PTPRO: variants seen among roughly 807,000 people sequenced by gnomAD.
The protein encoded by PTPRO is receptor-type tyrosine-protein phosphatase O.
Under a neutral mutation model 145.2 loss-of-function variants are expected in PTPRO, and 62 were observed. The ratio of observed to expected loss-of-function variants is 0.43; its 90% CI spans 0.35 to 0.53. The LOEUF (loss-of-function observed/expected upper bound fraction) is 0.53, where lower values mean the gene tolerates loss of function less well. PTPRO is among the 20% of genes least tolerant of loss of function. The pLI, the probability that PTPRO is intolerant of heterozygous loss-of-function variation, is 0.01. For synonymous variants in PTPRO, 565 were observed against 514.7 expected (o/e 1.10, Z -1.32); for missense variants, 1,345 against 1,482.7 (o/e 0.91, Z 1.53).
At chr12:15,553,326 A>G (rs1943522298) in intron 15 of PTPRO, among the ~76,000 whole-genome samples, 3 of 152,212 alleles carry the variant, frequency 2.0e-5, no homozygotes, top group Admixed American at 1.3e-4. Flanking sequence ...GAAAGGAAAC[A>G]AGGTCAGGTA....
chr12:15,467,571 A>G (rs540816021), intron 1 of PTPRO, among the ~76,000 whole-genome samples: 1 of 152,126 alleles, frequency 6.6e-6, no homozygotes, highest in South Asian at 2.1e-4. Flanking sequence ...CTCCTAACTA[A>G]TGCAGTCATA....
chr12:15,437,597 AC>A (rs1164124372), intron 1 of PTPRO, among the ~76,000 whole-genome samples: 20 of 151,678 alleles, frequency 1.3e-4, no homozygotes, highest in Admixed American at 1.3e-3. Context: ...CATTTAGAAT[AC>A]CTGCTTGCCT....
intron 1 of PTPRO, among the ~76,000 whole-genome samples, chr12:15,396,894 A>G (rs1332272116): frequency 6.6e-6 from 1 of 152,172 alleles, no homozygotes; most frequent in Non-Finnish European, 1.5e-5. Context: ...CACATATATC[A>G]AAGTATTTTT....
intron 23 of PTPRO, among the ~76,000 whole-genome samples, chr12:15,585,286 T>C (rs1944407604): frequency 6.6e-6 from 1 of 152,240 alleles, no homozygotes; most frequent in African/African-American, 2.4e-5. Flanking sequence ...CTGAGTATTC[T>C]TAAATCCTCA....
chr12:15,524,430 G>A lies in PTPRO; in HGVS notation c.1892-384G>A, dbSNP rs535458079. On this transcript the variant is annotated intron_variant, in intron 10 of 26. Transcript: ENST00000281171. ...AGAGACTTAGTTTGCAGGACTCTAA[G>A]TTTTTTAATCCTACTTGGCTAATAA... is the stretch of plus-strand genomic sequence containing the variant. Among the ~76,000 whole-genome samples, 56 of 152,244 alleles carry A rather than the reference G, an allele frequency of 3.7e-4. 1 individual carries two copies. The highest frequency in any genetic ancestry group is 3.4e-3 in the Middle Eastern group (1 of 294).
chr12:15,408,889 A>G (rs566304578), intron 1 of PTPRO, among the ~76,000 whole-genome samples: 2 of 152,274 alleles, frequency 1.3e-5, no homozygotes, highest in Admixed American at 1.3e-4. Flanking sequence ...CATTTGTCCA[A>G]TCTCTCCAAC....
At chr12:15,329,424 A>T (rs748186630) in intron 1 of PTPRO, among the ~76,000 whole-genome samples, 2 of 152,212 alleles carry the variant, frequency 1.3e-5, no homozygotes, top group Non-Finnish European at 2.9e-5. Context: ...TTGTATTTTG[A>T]TAAACTCTAG....
chr12:15,328,292 A>C (rs891167127), intron 1 of PTPRO, among the ~76,000 whole-genome samples: 2 of 152,132 alleles, frequency 1.3e-5, no homozygotes, highest in Non-Finnish European at 2.9e-5. Context: ...TTCTATGAGT[A>C]AGATCATATC....
chr12:15,501,557 G>T, intron 4 of PTPRO, 63 bp from the exon 5 acceptor site: 1 of 1,438,204 alleles, frequency 7.0e-7, no homozygotes, highest in Non-Finnish European at 9.7e-7. Flanking sequence ...CTCATTAAGA[G>T]ATTAAGTATT....
intron 1 of PTPRO, among the ~76,000 whole-genome samples, chr12:15,450,786 T>A (rs1591822630): frequency 6.6e-6 from 1 of 151,998 alleles, no homozygotes; most frequent in Non-Finnish European, 1.5e-5. Flanking sequence ...AAAAATTTTT[T>A]TTTAAATAAA....
intron 12 of PTPRO, among the ~76,000 whole-genome samples, chr12:15,532,480 C>T (rs541867049): frequency 4.6e-5 from 7 of 152,210 alleles, no homozygotes; most frequent in South Asian, 2.1e-4. Context: ...AATTCCAGGA[C>T]GGCTAGCATT....
intron 19 of PTPRO, among the ~76,000 whole-genome samples, chr12:15,570,475 TG>T (rs1036803045): frequency 4.6e-5 from 7 of 152,158 alleles, no homozygotes; most frequent in African/African-American, 1.7e-4. Context: ...GAGACACTAA[TG>T]GGGAATTTGA....
In PTPRO at chr12:15,557,363, T is replaced by A. The variant is rs75622354; in HGVS notation, c.2559-92T>A. 1.4e-4 allele frequency: 160 copies of A among 1,150,124 alleles called. 1 individual carries two copies. The African/African-American group carries it at 2.4e-3, about 17-fold the overall frequency. 71.2% of individuals were successfully genotyped at this position (1,150,124 alleles called of 1,614,324 possible). On this transcript the variant is annotated intron_variant, in intron 15 of 26. Transcript: ENST00000281171. ...TCTTTTTTTTAATTTAATGCTGTGATGATAAGCTGGTAAAGACTCTCTTTA... is the reference window on the plus strand; with the variant it reads ...TCTTTTTTTTAATTTAATGCTGTGAAGATAAGCTGGTAAAGACTCTCTTTA...
At chr12:15,537,070 C>T (rs1342243889) in intron 12 of PTPRO, among the ~76,000 whole-genome samples, 2 of 152,070 alleles carry the variant, frequency 1.3e-5, no homozygotes, top group African/African-American at 2.4e-5. Context: ...ATTGGAAAGA[C>T]AGAGGTTTGA....
intron 1 of PTPRO, among the ~76,000 whole-genome samples, chr12:15,376,133 A>T (rs569988411): frequency 1.3e-5 from 2 of 152,260 alleles, no homozygotes; most frequent in African/African-American, 4.8e-5. Flanking sequence ...GATGAAACAC[A>T]TAAGATAAAG....
At chr12:15,557,427 CCT>C in intron 15 of PTPRO, 26 bp from the exon 16 acceptor site, 1 of 1,598,016 alleles carries the variant, frequency 6.3e-7, no homozygotes, top group Non-Finnish European at 8.6e-7. Context: ...CAAGCAGTAA[CCT>C]TGATTTTGTG....
chr12:15,405,191 A>G (rs528833679), intron 1 of PTPRO, among the ~76,000 whole-genome samples: 1 of 152,348 alleles, frequency 6.6e-6, no homozygotes, highest in African/African-American at 2.4e-5. Flanking sequence ...CTATATTTCT[A>G]TGCATATGTT....
intron 2 of PTPRO, among the ~76,000 whole-genome samples, chr12:15,492,172 A>G (rs1208131692): frequency 6.6e-6 from 1 of 152,146 alleles, no homozygotes; most frequent in Non-Finnish European, 1.5e-5. Flanking sequence ...TGGCTTAATT[A>G]TTTTTAAAAG....
chr12:15,472,568 T>C (rs1157559843), intron 1 of PTPRO, among the ~76,000 whole-genome samples: 5 of 152,174 alleles, frequency 3.3e-5, no homozygotes, highest in Non-Finnish European at 5.9e-5. Flanking sequence ...CTCACGAGCA[T>C]CTTTCATACA....
Sources: gnomAD v4.1 joint callset for allele counts (sites outside exome capture counted in the v4.1 genomes callset) on GRCh38, gnomAD v4.1.1 for gene constraint, MANE v1.5 for transcripts, NCBI Gene and HGNC (gene_info 2026-07-23, HGNC 2026-07-21) for gene names.